The following VEZF1 variants were observed in gnomAD, a reference collection of about 807,000 sequenced individuals.
VEZF1 encodes vascular endothelial zinc finger 1, also known as putative transcription factor DB1.
Under a neutral mutation model 44.1 loss-of-function variants are expected in VEZF1, and 5 were observed. That is an observed-to-expected ratio of 0.11 (90% CI 0.06 to 0.24). The LOEUF (loss-of-function observed/expected upper bound fraction) is 0.24. Among genes scored for constraint, VEZF1 ranks in the 10% least tolerant of loss-of-function variants. VEZF1 has a pLI of 1.00. For missense variants in VEZF1, 358 were observed against 641.8 expected, an observed-to-expected ratio of 0.56 and a Z score of 4.78; for synonymous variants, 236 against 233.1, an observed-to-expected ratio of 1.01 and a Z score of -0.11.
In VEZF1 at chr17:57,973,386, A is replaced by T. The variant is rs1210760792; in HGVS notation, c.*1087T>A. On this transcript the variant is annotated 3_prime_UTR_variant, in exon 6 of 6. Transcript: ENST00000581208. ...ACTTAAGAAACGGAAGGAGAAATTT[A>T]AAAAAAGATACACTCTGCATGTTCT... 1 of 152,588 alleles carries T rather than the reference A, an allele frequency of 6.6e-6. No individual in the cohort carries two copies. Among genetic ancestry groups the T allele is most frequent in the African/African-American group, 2.4e-5 (1 of 41,442 alleles). The allele number at this position is 152,588 out of a possible 1,614,324, so 9.5% of individuals were successfully genotyped here. A position where few individuals can be genotyped will look rare whatever the true frequency, so the allele number is the denominator to read the frequency against.
At chr17:57,987,455 C>T (rs1401059588) in intron 1 of VEZF1, among the ~76,000 whole-genome samples, 2 of 152,302 alleles carry the variant, frequency 1.3e-5, no homozygotes, top group Non-Finnish European at 2.9e-5. Flanking sequence ...ATCCGCCCCC[C>T]CAACTGGGTA....
At position 57,974,824 on chromosome 17, in the gene VEZF1, G is replaced by A. The variant is rs145463648; in HGVS notation, c.1215C>T (p.Ser405=). 3.1e-6 allele frequency: 5 copies of A among 1,614,086 alleles called. No homozygotes were observed. Among genetic ancestry groups the A allele is most frequent in the South Asian group, 2.2e-5 (2 of 91,080 alleles). Residue 405 remains serine, a synonymous_variant, in exon 6 of 6, where the codon TCC becomes TCT. Transcript: ENST00000581208. ...VTLTTPFSIT[S]SVSSGTMSNP... ...TTGACATAGTCCCAGACGACACAGA[G>A]GATGTTATACTGAATGGAGTAGTGA... is the stretch of plus-strand genomic sequence containing the variant.
At position 57,987,865 on chromosome 17, in the gene VEZF1, C is replaced by A. The variant is rs1045164629; in HGVS notation, c.33+214G>T. Among the ~76,000 whole-genome samples the A allele has an allele frequency of 2.8e-4, 42 of 151,700 alleles. 1 individual carries two copies. The highest frequency in any genetic ancestry group is 1.0e-3 in the Admixed American group (16 of 15,274). The stretch of plus-strand genomic sequence containing the variant: ...CTGGGGGGCCCCCGGGTTCACCCCG[C>A]GGCCTGCTATCTCCCCCGCACCCCG... On this transcript the variant is annotated intron_variant, in intron 1 of 5. Coordinates refer to ENST00000581208, the MANE Select transcript of VEZF1 (RefSeq NM_007146.3).
At chr17:57,984,866 C>T (rs1203612992) in intron 1 of VEZF1, among the ~76,000 whole-genome samples, 1 of 152,164 alleles carries the variant, frequency 6.6e-6, no homozygotes, top group Non-Finnish European at 1.5e-5. Context: ...CCCTTTGAGT[C>T]CTGGAAGCAT....
rs956033306 is a variant in VEZF1 at position 57,979,217 on chromosome 17, C to T, written c.1073G>A (p.Ser358Asn). The T allele has an allele frequency of 6.2e-7, 1 of 1,613,740 alleles. No individual in the cohort carries two copies. Among genetic ancestry groups the T allele is most frequent in the African/African-American group, 1.3e-5 (1 of 74,836 alleles). ...QQQQQQQHVT[S>N]WPGKQVETLR... The stretch of plus-strand genomic sequence containing the variant: ...TGTTTCTACTTGCTTCCCTGGCCAG[C>T]TTGTCACATGTTGTTGTTGTTGTTG... Residue 358 changes from serine to asparagine, a missense_variant, in exon 5 of 6, where the codon AGC (serine) becomes AAC (asparagine). By Grantham distance (46) the Ser-to-Asn change is conservative. Around this residue, in one of 4 missense-constraint regions of VEZF1, gnomAD observed 171 missense variants for 272.4 expected, o/e 0.63. Transcript: ENST00000581208.
In VEZF1 at chr17:57,974,827, T is replaced by C. The variant is rs1357680444; in HGVS notation, c.1212A>G (p.Thr404=). ...PVTLTTPFSI[T]SSVSSGTMSN... The stretch of plus-strand genomic sequence containing the variant: ...ACATAGTCCCAGACGACACAGAGGA[T>C]GTTATACTGAATGGAGTAGTGAGAG... The change falls in exon 6 of 6, where the codon ACA becomes ACG. Residue 404 remains threonine (T), a synonymous_variant. Coordinates refer to ENST00000581208, the MANE Select transcript of VEZF1 (RefSeq NM_007146.3). 1.2e-6 allele frequency: 2 copies of C among 1,614,184 alleles called. No homozygotes were observed. Among genetic ancestry groups the C allele is most frequent in the East Asian group, 4.5e-5 (2 of 44,892 alleles).
At chr17:57,984,543 G>C (rs368177425) in intron 1 of VEZF1, among the ~76,000 whole-genome samples, 61 of 152,126 alleles carry the variant, frequency 4.0e-4, no homozygotes, top group African/African-American at 1.4e-3. Flanking sequence ...CACTCAAGAG[G>C]AGTTTCAAAT....
intron 5 of VEZF1, among the ~76,000 whole-genome samples, chr17:57,975,674 T>C (rs1387197834): frequency 6.6e-6 from 1 of 152,208 alleles, no homozygotes; most frequent in Non-Finnish European, 1.5e-5. Flanking sequence ...CAATCACCTA[T>C]TTTATGCCTA....
At chr17:57,985,926 T>G (rs1331745773) in intron 1 of VEZF1, 1 of 152,236 alleles carries the variant, frequency 6.6e-6, no homozygotes, top group Admixed American at 6.5e-5. Context: ...CAAGATAATT[T>G]AACTCCATAT....
intron 1 of VEZF1, among the ~76,000 whole-genome samples, chr17:57,983,971 T>C (rs1361441744): frequency 6.6e-6 from 1 of 152,234 alleles, no homozygotes; most frequent in African/African-American, 2.4e-5. Flanking sequence ...TTCACTTGAC[T>C]CTACTAAAAG....
rs2075207142 is a variant in VEZF1, at chr17:57,977,850, A to C, written c.1138+1302T>G. Reference sequence around the variant, plus strand: ...CAAGAGCAAAACTCCATCTCAAAAAAAGAAAAAAAAAAAAAAAGAATGCTA... The same window carrying C: ...CAAGAGCAAAACTCCATCTCAAAAACAGAAAAAAAAAAAAAAAGAATGCTA... On this transcript the variant is annotated intron_variant, in intron 5 of 5. Coordinates refer to ENST00000581208, the MANE Select transcript of VEZF1 (RefSeq NM_007146.3). Among the ~76,000 whole-genome samples the C allele has an allele frequency of 2.2e-5, 3 of 135,834 alleles. No homozygotes were observed. In the South Asian group the frequency reaches 6.5e-4, roughly 30 times the overall value. The allele number at this position is 135,834 out of a possible 152,430, so 89.1% of individuals were successfully genotyped here.
At chr17:57,981,380 A>G (rs1342415456) in intron 3 of VEZF1, among the ~76,000 whole-genome samples, 1 of 152,242 alleles carries the variant, frequency 6.6e-6, no homozygotes, top group Non-Finnish European at 1.5e-5. Flanking sequence ...TTTCGTTATT[A>G]TAATTGATGT....
chr17:57,987,151 C>G (rs2075302395), intron 1 of VEZF1, among the ~76,000 whole-genome samples: 1 of 152,178 alleles, frequency 6.6e-6, no homozygotes, highest in African/African-American at 2.4e-5. Flanking sequence ...AGTGACTCAT[C>G]TGGGGGCTTT....
chr17:57,987,018 C>T (rs2075300543), intron 1 of VEZF1, among the ~76,000 whole-genome samples: 1 of 152,196 alleles, frequency 6.6e-6, no homozygotes, highest in African/African-American at 2.4e-5. Flanking sequence ...AAATAAGTTC[C>T]AGCCTAGATC....
rs986099242 is a variant in VEZF1, at chr17:57,985,569, T to C, written c.34-2176A>G. 1.0e-5 allele frequency: 5 copies of C among 495,562 alleles called. No homozygotes were observed. The African/African-American group carries it at 1.0e-4, about 10-fold the overall frequency. The allele number at this position is 495,562 out of a possible 1,614,324, so 30.7% of individuals were successfully genotyped here. ...GTAGGCTTTTATTTGACTAGCATCATCAAACCAAAGTTTTAATTTTATATC... is the reference window on the plus strand; with the variant it reads ...GTAGGCTTTTATTTGACTAGCATCACCAAACCAAAGTTTTAATTTTATATC... On this transcript the variant is annotated intron_variant, in intron 1 of 5. Coordinates refer to ENST00000581208, the MANE Select transcript of VEZF1 (RefSeq NM_007146.3).
rs768159425 is a variant in VEZF1, at chr17:57,983,118, G to A, written c.309C>T (p.Ser103=). 1.2e-6 allele frequency: 2 copies of A among 1,614,094 alleles called. No homozygotes were observed. The highest frequency in any genetic ancestry group is 1.7e-6 in the Non-Finnish European group (2 of 1,180,032). The change falls in exon 2 of 6, where the codon TCC becomes TCT. Residue 103 remains serine (S), a synonymous_variant. Coordinates refer to ENST00000581208, the MANE Select transcript of VEZF1 (RefSeq NM_007146.3). ...CCGTGGTGGGGGTTTTCTTTGGCCG[G>A]GACACCAACTTGATCCCTGTGTGGC... is the stretch of plus-strand genomic sequence containing the variant. The part of the protein sequence containing the change: ...ESCHTGIKLV[S]RPKKTPTTVV...
At chr17:57,982,174 TCTTTA>T (rs1436610214) in intron 2 of VEZF1, among the ~76,000 whole-genome samples, 9 of 152,370 alleles carry the variant, frequency 5.9e-5, no homozygotes, top group African/African-American at 2.2e-4. Context: ...AGGTCTTGAT[TCTTTA>T]CAATTACAAA....
chr17:57,978,298 G>GA (rs1376925470), intron 5 of VEZF1, among the ~76,000 whole-genome samples: 1 of 151,992 alleles, frequency 6.6e-6, no homozygotes, highest in Non-Finnish European at 1.5e-5. Context: ...CACAGAAAAG[G>GA]AATTACATAC....
At chr17:57,976,399 A>AAAAC (rs200856327) in intron 5 of VEZF1, among the ~76,000 whole-genome samples, 41 of 152,234 alleles carry the variant, frequency 2.7e-4, no homozygotes, top group South Asian at 1.7e-3. Flanking sequence ...AGAGGACTTC[A>AAAAC]AAACAAACAA....
Sources: gnomAD v4.1 joint callset for allele counts (sites outside exome capture counted in the v4.1 genomes callset) on GRCh38, gnomAD v4.1.1 for gene constraint, gnomAD v4.1.1 regional missense constraint, MANE v1.5 for transcripts, NCBI Gene and HGNC (gene_info 2026-07-23, HGNC 2026-07-21) for gene names.